The following MIA3 variants were observed in gnomAD, a reference collection of about 807,000 sequenced individuals.
MIA3 encodes the protein MIA SH3 domain ER export factor 3.
In MIA3, 90 loss-of-function variants were observed where a neutral mutation model predicts 192.4. That is an observed-to-expected ratio of 0.47 (90% CI 0.39 to 0.56). The LOEUF is 0.56. MIA3 is among the 20% of genes least tolerant of loss of function. MIA3 has a pLI of 0.00. For synonymous variants in MIA3, 740 were observed against 792.8 expected (o/e 0.93, Z 1.12); for missense variants, 2,123 against 2,269.4 (o/e 0.94, Z 1.31).
rs1661841925 is a variant in MIA3, at chr1:222,621,251, T to C, written c.226T>C (p.Tyr76His). The C allele has an allele frequency of 1.9e-6, 3 of 1,613,226 alleles. No homozygotes were observed. The highest frequency in any genetic ancestry group is 1.7e-5 in the Admixed American group (1 of 59,820). ...AAAAGGTGATCCTGTATATGTTTACTATAAACTGGCAAGAGGATGGCCTGA... is the reference window on the plus strand; with the variant it reads ...AAAAGGTGATCCTGTATATGTTTACCATAAACTGGCAAGAGGATGGCCTGA... Reference protein sequence around the residue: ...FKKGDPVYVYYKLARGWPEVW... With the variant: ...FKKGDPVYVYHKLARGWPEVW... The change falls in exon 2 of 28, where the codon TAT (tyrosine) becomes CAT (histidine). Residue 76 changes from tyrosine (Y) to histidine (H), a missense_variant. Tyr to His is a moderately conservative substitution (Grantham distance 83). Coordinates refer to ENST00000344922, the MANE Select transcript of MIA3 (RefSeq NM_198551.4).
At position 222,628,225 on chromosome 1, in the gene MIA3, T is replaced by C; in HGVS notation, c.1005T>C (p.Asp335=). Residue 335 remains aspartate (D), a synonymous_variant, in exon 4 of 28, where the codon GAT becomes GAC. Coordinates refer to ENST00000344922, the MANE Select transcript of MIA3 (RefSeq NM_198551.4). ...AGTTGCCATTACTTACCTTTACAGA[T>C]GGGGAAGATATGAAAACTCCAGCAA... ...FDELPLLTFT[D]GEDMKTPAKS... 6.2e-7 allele frequency: 1 copy of C among 1,614,058 alleles called. No homozygotes were observed. The highest frequency in any genetic ancestry group is 8.5e-7 in the Non-Finnish European group (1 of 1,180,018).
intron 6 of MIA3, 29 bp from the exon 7 acceptor site, chr1:222,645,525 T>C: frequency 6.4e-7 from 1 of 1,562,520 alleles, no homozygotes; most frequent in Non-Finnish European, 8.7e-7. Flanking sequence ...AGGTTTCTCA[T>C]TATTTCTAAC....
In MIA3 at chr1:222,650,230, C is replaced by T. The variant is rs1431236002; in HGVS notation, c.3632-62C>T. On this transcript the variant is annotated intron_variant, in intron 8 of 27. Transcript: ENST00000344922. ...AGATAACATGTCTTTGCTGCTGATA[C>T]ATTGGGTAATTCAATTTCATTTAGT... 1.0e-5 allele frequency: 9 copies of T among 897,086 alleles called. 1 individual carries two copies. The South Asian group carries it at 1.3e-4, about 12-fold the overall frequency. 55.6% of individuals were successfully genotyped at this position (897,086 alleles called of 1,614,324 possible). A position where few individuals can be genotyped will look rare whatever the true frequency, so the allele number is the denominator to read the frequency against.
At chr1:222,633,914 G>A (rs1332072695) in intron 6 of MIA3, among the ~76,000 whole-genome samples, 1 of 150,150 alleles carries the variant, frequency 6.7e-6, no homozygotes, top group Non-Finnish European at 1.5e-5. Context: ...GCATTGGCGT[G>A]ATCTCAGCTC....
intron 4 of MIA3, 132 bp from the exon 5 acceptor site, chr1:222,632,033 C>T: frequency 1.6e-6 from 1 of 637,282 alleles, no homozygotes; most frequent in African/African-American, 1.9e-5. Context: ...TCTTATTTCC[C>T]TGCCCAGTTG....
chr1:222,631,724 G>A (rs1007862103), intron 4 of MIA3, among the ~76,000 whole-genome samples: 9 of 152,170 alleles, frequency 5.9e-5, no homozygotes, highest in African/African-American at 1.9e-4. Context: ...GAAAGTATTC[G>A]AAAGACATCT....
At position 222,659,716 on chromosome 1, in the gene MIA3, G is replaced by A; in HGVS notation, c.4807-18G>A. Reference sequence around the variant, plus strand: ...GCATAGTCTCCCACAACTGAATTTGGATATTTTTCTTCAATAGCTCAAAGC... The same window carrying A: ...GCATAGTCTCCCACAACTGAATTTGAATATTTTTCTTCAATAGCTCAAAGC... On this transcript the variant is annotated intron_variant, in intron 21 of 27. Coordinates refer to ENST00000344922, the MANE Select transcript of MIA3 (RefSeq NM_198551.4). 1 of 1,613,784 alleles carries A rather than the reference G, an allele frequency of 6.2e-7. No individual in the cohort carries two copies. Among genetic ancestry groups the A allele is most frequent in the East Asian group, 2.2e-5 (1 of 44,862 alleles).
At chr1:222,620,290 A>G (rs2378584) in intron 1 of MIA3, among the ~76,000 whole-genome samples, 87,414 of 152,144 alleles carry the variant, frequency 0.57, 27,693 homozygotes, top group Non-Finnish European at 0.71. Context: ...GAAACTGTGT[A>G]TGTGGTCAAC....
intron 6 of MIA3, among the ~76,000 whole-genome samples, chr1:222,636,047 A>G (rs141877960): frequency 1.0e-3 from 159 of 152,334 alleles, no homozygotes; most frequent in African/African-American, 3.6e-3. Context: ...AATTTCAAAT[A>G]TACAAAAGCA....
intron 18 of MIA3, among the ~76,000 whole-genome samples, chr1:222,657,550 T>C (rs1300168524): frequency 6.6e-6 from 1 of 152,240 alleles, no homozygotes; most frequent in Non-Finnish European, 1.5e-5. Flanking sequence ...CTTTCTATTT[T>C]TGTCCATATG....
At chr1:222,639,981 A>G (rs1036846909) in intron 6 of MIA3, among the ~76,000 whole-genome samples, 2 of 152,174 alleles carry the variant, frequency 1.3e-5, no homozygotes, top group African/African-American at 4.8e-5. Flanking sequence ...GGATGTAGAA[A>G]AAAATCTAGT....
At chr1:222,624,898 TA>T (rs1468848530) in intron 3 of MIA3, 44 bp downstream of exon 3, 1 of 1,076,980 alleles carries the variant, frequency 9.3e-7, no homozygotes, top group Non-Finnish European at 1.4e-6. Flanking sequence ...TAAGTTGGCT[TA>T]TAAGTGACTA....
intron 6 of MIA3, among the ~76,000 whole-genome samples, chr1:222,637,351 C>T (rs1293383383): frequency 6.6e-6 from 1 of 152,116 alleles, no homozygotes; most frequent in Non-Finnish European, 1.5e-5. Flanking sequence ...TATGTACTTC[C>T]ATCAGGAGGC....
intron 6 of MIA3, among the ~76,000 whole-genome samples, chr1:222,643,987 G>A (rs1662989792): frequency 6.6e-6 from 1 of 152,186 alleles, no homozygotes; most frequent in African/African-American, 2.4e-5. Context: ...CCATCTGAGC[G>A]GTGGTCCTTC....
rs568452233 is a variant in MIA3 at position 222,667,429 on chromosome 1, C to T, written c.*1810C>T. 2.0e-5 allele frequency: 3 copies of T among 152,214 alleles called. No individual in the cohort carries two copies. Among genetic ancestry groups the T allele is most frequent in the African/African-American group, 7.2e-5 (3 of 41,532 alleles). The allele number at this position is 152,214 out of a possible 1,614,324, so 9.4% of individuals were successfully genotyped here. A position where few individuals can be genotyped will look rare whatever the true frequency, so the allele number is the denominator to read the frequency against. ...TAATATAATTTCTAATTTTAAATGT[C>T]ATTTAAGTGTAGATTATGCCATCTA... On this transcript the variant is annotated 3_prime_UTR_variant, in exon 28 of 28. Transcript: ENST00000344922.
rs1245388990 is a variant in MIA3 at position 222,630,014 on chromosome 1, G to A, written c.2794G>A (p.Glu932Lys). ...DLLIISSFFK[E>K]QQSLQRFQKY... ...ACTTATCATAAGCAGCTTCTTTAAA[G>A]AACAACAGTCTTTGCAGCGGTTCCA... Residue 932 changes from glutamate to lysine, a missense_variant, in exon 4 of 28, where the codon GAA (glutamate) becomes AAA (lysine). Physicochemically the swap from Glu to Lys is moderately conservative, Grantham distance 56. Coordinates refer to ENST00000344922, the MANE Select transcript of MIA3 (RefSeq NM_198551.4). 3.1e-6 allele frequency: 5 copies of A among 1,614,012 alleles called. No individual in the cohort carries two copies. Among genetic ancestry groups the A allele is most frequent in the Non-Finnish European group, 2.5e-6 (3 of 1,180,044 alleles).
Position 222,654,302 on chromosome 1 carries a change from T to C in MIA3, c.4377+4T>C. ...GCAGATGATGGATGTCTCTCGGGTA[T>C]AATCGTTTTTAGAGTCCCATAATTG... On this transcript the variant is annotated splice_donor_region_variant and intron_variant, in intron 16 of 27. Coordinates refer to ENST00000344922, the MANE Select transcript of MIA3 (RefSeq NM_198551.4). The C allele has an allele frequency of 6.2e-7, 1 of 1,613,966 alleles. No individual in the cohort carries two copies. Among genetic ancestry groups the C allele is most frequent in the Non-Finnish European group, 8.5e-7 (1 of 1,179,894 alleles).
At position 222,645,497 on chromosome 1, in the gene MIA3, T is replaced by C; in HGVS notation, c.3478-57T>C. Reference sequence around the variant, plus strand: ...CTGTGAATGAGTCTTTGTGACTGCTTTATGGTAAGCTTCTTTAAGGTTTCT... The same window carrying C: ...CTGTGAATGAGTCTTTGTGACTGCTCTATGGTAAGCTTCTTTAAGGTTTCT... On this transcript the variant is annotated intron_variant, in intron 6 of 27. Transcript: ENST00000344922. 16 of 1,497,744 alleles carry C rather than the reference T, an allele frequency of 1.1e-5. No individual in the cohort carries two copies. In the South Asian group the frequency reaches 2.0e-4, roughly 19 times the overall value. The allele number at this position is 1,497,744 out of a possible 1,614,324, so 92.8% of individuals were successfully genotyped here.
intron 18 of MIA3, 43 bp downstream of exon 18, chr1:222,654,836 G>C (rs1191675210): frequency 3.3e-6 from 5 of 1,516,096 alleles, no homozygotes; most frequent in Non-Finnish European, 4.6e-6. Flanking sequence ...TGTCATGTCA[G>C]TAAATAAATG....
Sources: allele counts gnomAD v4.1 joint callset (sites outside exome capture counted in the v4.1 genomes callset), GRCh38; gene constraint gnomAD v4.1.1; transcripts MANE v1.5; gene names NCBI Gene and HGNC (gene_info 2026-07-23, HGNC 2026-07-21).